Variants in SHB observed in about 807,000 individuals in gnomAD.
The protein encoded by SHB is SH2 domain-containing adapter protein B.
Under a neutral mutation model 52.3 loss-of-function variants are expected in SHB, and 20 were observed. The ratio of observed to expected loss-of-function variants is 0.38; its 90% CI spans 0.27 to 0.56. The LOEUF (loss-of-function observed/expected upper bound fraction) is 0.56, where lower values mean the gene tolerates loss of function less well. Among genes scored for constraint, SHB ranks in the 20% least tolerant of loss-of-function variants. The pLI is 0.71. For synonymous variants in SHB, 397 were observed against 316.5 expected, an observed-to-expected ratio of 1.25 and a Z score of -2.70; for missense variants, 825 against 723.3, an observed-to-expected ratio of 1.14 and a Z score of -1.61.
intron 5 of SHB, among the ~76,000 whole-genome samples, chr9:37,924,707 T>A (rs1363648464): frequency 6.6e-6 from 1 of 152,178 alleles, no homozygotes. Flanking sequence ...CCCTACTGGG[T>A]ACTGGGCTCT....
intron 1 of SHB, among the ~76,000 whole-genome samples, chr9:38,054,940 C>T (rs897893329): frequency 6.6e-6 from 1 of 152,228 alleles, no homozygotes; most frequent in African/African-American, 2.4e-5. Context: ...ATGGGGTGAT[C>T]CCCAGCTCTC....
intron 1 of SHB, among the ~76,000 whole-genome samples, chr9:38,048,829 T>C (rs1206208524): frequency 1.3e-5 from 2 of 152,280 alleles, no homozygotes; most frequent in East Asian, 1.9e-4. Flanking sequence ...TTTTGCCAAA[T>C]GTTTTAGGTG....
chr9:37,992,071 C>G (rs1820888460), intron 2 of SHB, among the ~76,000 whole-genome samples: 1 of 152,228 alleles, frequency 6.6e-6, no homozygotes, highest in African/African-American at 2.4e-5. Context: ...TCCGGAGCAC[C>G]TGTGTTGCTG....
At chr9:37,928,631 G>A (rs972128876) in intron 5 of SHB, among the ~76,000 whole-genome samples, 1 of 152,198 alleles carries the variant, frequency 6.6e-6, no homozygotes, top group Non-Finnish European at 1.5e-5. Context: ...CTCGCTAGAC[G>A]GCCAGTGCCT....
intron 1 of SHB, among the ~76,000 whole-genome samples, chr9:38,030,004 C>A (rs1192209754): frequency 6.6e-6 from 1 of 152,250 alleles, no homozygotes; most frequent in African/African-American, 2.4e-5. Flanking sequence ...AACTGGTTTT[C>A]TCCACATCAC....
intron 1 of SHB, among the ~76,000 whole-genome samples, chr9:38,029,819 T>G (rs77954087): frequency 0.056 from 8,576 of 152,248 alleles, 344 homozygotes; most frequent in East Asian, 0.16. Context: ...AGTTAGTATT[T>G]GTCAAATGCT....
At chr9:37,967,231 G>C (rs1820537903) in intron 3 of SHB, among the ~76,000 whole-genome samples, 1 of 152,106 alleles carries the variant, frequency 6.6e-6, no homozygotes, top group African/African-American at 2.4e-5. Context: ...CCTGTCCCTG[G>C]TTCCTCCCCA....
intron 2 of SHB, among the ~76,000 whole-genome samples, chr9:38,011,668 A>T (rs1316043875): frequency 6.6e-6 from 1 of 152,178 alleles, no homozygotes; most frequent in South Asian, 2.1e-4. Flanking sequence ...TCACTGCCCA[A>T]TGCTGGCTGT....
intron 2 of SHB, among the ~76,000 whole-genome samples, chr9:37,991,206 CT>C (rs1820875917): frequency 6.6e-6 from 1 of 152,120 alleles, no homozygotes. Context: ...ACATTAACCC[CT>C]AGGACAGATG....
chr9:38,067,449 T>C (rs1289916887), intron 1 of SHB, among the ~76,000 whole-genome samples: 4 of 151,852 alleles, frequency 2.6e-5, no homozygotes, highest in East Asian at 3.9e-4. Context: ...GATTTACATA[T>C]ACACGCTGGA....
intron 1 of SHB, among the ~76,000 whole-genome samples, chr9:38,054,019 G>T (rs765232349): frequency 5.3e-5 from 8 of 151,992 alleles, no homozygotes; most frequent in Non-Finnish European, 1.2e-4. Flanking sequence ...CAGAGTGAAT[G>T]GTCAGGAAAC....
intron 2 of SHB, among the ~76,000 whole-genome samples, chr9:37,988,322 C>A (rs1037143396): frequency 1.9e-4 from 29 of 152,170 alleles, no homozygotes; most frequent in African/African-American, 6.0e-4. Context: ...ATATTCCTCG[C>A]AGATGAGGTG....
Position 38,067,962 on chromosome 9 carries a change from G to A in SHB, c.684C>T (p.Ala228=), listed in dbSNP as rs1564115286. The A allele has an allele frequency of 6.4e-7, 1 of 1,551,294 alleles. No individual in the cohort carries two copies. The highest frequency in any genetic ancestry group is 8.6e-7 in the Non-Finnish European group (1 of 1,158,594). Residue 228 remains alanine, a synonymous_variant, in exon 1 of 6, where the codon GCC becomes GCT. Coordinates refer to ENST00000377707, the MANE Select transcript of SHB (RefSeq NM_003028.3). ...TCTTGCCGGCCCCGCTCTCCTCCGC[G>A]GCTGAGGCGGCGCACTTGTTGAGCA... The part of the protein sequence containing the change: ...KKLLNKCAAS[A]AEESGAGKKD...
intron 5 of SHB, among the ~76,000 whole-genome samples, chr9:37,948,035 T>A (rs932493165): frequency 6.6e-6 from 1 of 152,208 alleles, no homozygotes; most frequent in Non-Finnish European, 1.5e-5. Flanking sequence ...CTGACAGAAA[T>A]GCCTCACAGG....
intron 5 of SHB, among the ~76,000 whole-genome samples, chr9:37,935,679 C>T (rs1006900803): frequency 1.1e-4 from 16 of 152,052 alleles, no homozygotes; most frequent in Admixed American, 9.8e-4. Flanking sequence ...TGTACAGATG[C>T]AGAAATGGAG....
At chr9:37,933,409 C>A (rs1832335681) in intron 5 of SHB, among the ~76,000 whole-genome samples, 1 of 152,142 alleles carries the variant, frequency 6.6e-6, no homozygotes, top group Admixed American at 6.5e-5. Flanking sequence ...ATGCTCATAC[C>A]ACATGGGAAG....
chr9:38,019,229 G>A (rs543499085), intron 1 of SHB, among the ~76,000 whole-genome samples: 37 of 152,330 alleles, frequency 2.4e-4, no homozygotes, highest in African/African-American at 8.9e-4. Flanking sequence ...CCCCAGGCAA[G>A]CACCTTTCTT....
chr9:38,037,848 A>G (rs1821508583), intron 1 of SHB, among the ~76,000 whole-genome samples: 1 of 152,176 alleles, frequency 6.6e-6, no homozygotes, highest in South Asian at 2.1e-4. Context: ...ACACAGGCTC[A>G]TTGGGGGATA....
chr9:37,976,654 A>C (rs1275455874), intron 2 of SHB, among the ~76,000 whole-genome samples: 1 of 152,074 alleles, frequency 6.6e-6, no homozygotes. Context: ...ATATTCCATC[A>C]TTATGTATAT....
Sources: allele counts gnomAD v4.1 joint callset (sites outside exome capture counted in the v4.1 genomes callset), GRCh38; gene constraint gnomAD v4.1.1; transcripts MANE v1.5; gene names NCBI Gene and HGNC (gene_info 2026-07-23, HGNC 2026-07-21).